Variants in GMDS observed in about 807,000 individuals in gnomAD.
GMDS encodes GDP-mannose 4,6-dehydratase.
Under a neutral mutation model 49.9 loss-of-function variants are expected in GMDS, and 20 were observed. That is an observed-to-expected ratio of 0.40 (90% confidence interval 0.28 to 0.58). The LOEUF is 0.58. Among genes scored for constraint, GMDS ranks in the 20% least tolerant of loss-of-function variants. The probability of loss-of-function intolerance (pLI) is 0.42; values close to 1 mark genes in which losing one functional copy is unlikely to be tolerated. For missense variants in GMDS, 362 were observed against 481.4 expected (o/e 0.75, Z 2.32); for synonymous variants, 177 against 178.6 (o/e 0.99, Z 0.07).
At chr6:2,245,096 T>C (rs1781800976) in intron 1 of GMDS, among the ~76,000 whole-genome samples, 1 of 152,188 alleles carries the variant, frequency 6.6e-6, no homozygotes, top group Non-Finnish European at 1.5e-5. Flanking sequence ...GCACACACGC[T>C]CACAGCCCCC....
chr6:1,952,132 G>T, intron 6 of GMDS: 1 of 277,200 alleles, frequency 3.6e-6, no homozygotes, highest in Non-Finnish European at 5.5e-6. Context: ...CCTCATTGCT[G>T]AAAAAAGGGA....
At chr6:1,861,967 AG>A (rs1229639473) in intron 7 of GMDS, among the ~76,000 whole-genome samples, 48 of 152,386 alleles carry the variant, frequency 3.1e-4, no homozygotes, top group African/African-American at 1.2e-3. Flanking sequence ...GAATATATTT[AG>A]GAAAAGAGAA....
chr6:1,678,931 G>T (rs1764702947), intron 9 of GMDS, among the ~76,000 whole-genome samples: 1 of 152,140 alleles, frequency 6.6e-6, no homozygotes, highest in Non-Finnish European at 1.5e-5. Flanking sequence ...ACAAGTACCT[G>T]CCATAGCACA....
At chr6:2,175,414 C>G (rs1415175940) in intron 1 of GMDS, among the ~76,000 whole-genome samples, 1 of 152,126 alleles carries the variant, frequency 6.6e-6, no homozygotes, top group Non-Finnish European at 1.5e-5. Flanking sequence ...TATGCCACCT[C>G]GGACTTGAGG....
intron 4 of GMDS, among the ~76,000 whole-genome samples, chr6:1,985,664 A>G (rs894909664): frequency 7.2e-5 from 11 of 152,186 alleles, no homozygotes; most frequent in African/African-American, 2.4e-4. Flanking sequence ...AACAAAACTA[A>G]AAATATAGAA....
chr6:1,636,626 C>T (rs1763157215), intron 9 of GMDS, among the ~76,000 whole-genome samples: 1 of 152,202 alleles, frequency 6.6e-6, no homozygotes, highest in African/African-American at 2.4e-5. Flanking sequence ...GAACGGGCTC[C>T]CATGGAGGGA....
intron 4 of GMDS, among the ~76,000 whole-genome samples, chr6:1,966,149 C>T (rs1029322874): frequency 6.6e-6 from 1 of 152,102 alleles, no homozygotes; most frequent in African/African-American, 2.4e-5. Context: ...AGCTTCCAAA[C>T]CCCCAAAACT....
intron 4 of GMDS, among the ~76,000 whole-genome samples, chr6:1,981,404 C>A (rs1044576739): frequency 7.2e-5 from 11 of 152,174 alleles, no homozygotes; most frequent in African/African-American, 2.4e-4. Context: ...ATACTACAAA[C>A]ACCTATAAGC....
chr6:1,778,052 G>T lies in GMDS; in HGVS notation c.772-35466C>A, dbSNP rs1030770317. Among the ~76,000 whole-genome samples, 5 of 152,114 alleles carry T rather than the reference G, an allele frequency of 3.3e-5. No individual in the cohort carries two copies. The South Asian group carries it at 1.0e-3, about 32-fold the overall frequency. On this transcript the variant is annotated intron_variant, in intron 7 of 10. Transcript: ENST00000380815. This position sits in a 1 kb window ranked among gnomAD's most constrained non-coding sequence, Gnocchi z 4.6. ...ACAAAGAAGCATTTGTAAGCTCAGG[G>T]GTGCACGCATTAAAAAAAGAAGCTG...
chr6:1,739,962 T>G (rs1035322786), intron 8 of GMDS, among the ~76,000 whole-genome samples: 2 of 152,230 alleles, frequency 1.3e-5, no homozygotes, highest in African/African-American at 4.8e-5. Context: ...GCATAGATAC[T>G]TCACACATTT....
At chr6:1,998,999 T>C (rs971971498) in intron 4 of GMDS, among the ~76,000 whole-genome samples, 3 of 151,800 alleles carry the variant, frequency 2.0e-5, no homozygotes, top group African/African-American at 4.8e-5. Flanking sequence ...ATAAAGATAA[T>C]AATTCTAATT....
At chr6:1,838,321 T>C (rs974405810) in intron 7 of GMDS, among the ~76,000 whole-genome samples, 2 of 152,214 alleles carry the variant, frequency 1.3e-5, no homozygotes, top group African/African-American at 4.8e-5. Flanking sequence ...AATTTAAAAG[T>C]CTAATTAAGG....
At chr6:2,175,946 G>A in intron 1 of GMDS, 2 of 1,499,480 alleles carry the variant, frequency 1.3e-6, no homozygotes, top group African/African-American at 1.4e-5. Context: ...TTACACATGA[G>A]GAACCAGAGG....
chr6:1,739,577 G>A (rs1767180135), intron 8 of GMDS, among the ~76,000 whole-genome samples: 2 of 152,276 alleles, frequency 1.3e-5, no homozygotes, highest in Admixed American at 1.3e-4. Flanking sequence ...CCAGTCCCAC[G>A]CTGGCCACAG....
chr6:1,967,044 T>C (rs1399964697), intron 4 of GMDS, among the ~76,000 whole-genome samples: 1 of 152,136 alleles, frequency 6.6e-6, no homozygotes, highest in Non-Finnish European at 1.5e-5. Flanking sequence ...CCGGCCACCC[T>C]GCTGTCCTAG....
At chr6:2,140,237 G>A (rs924716193) in intron 1 of GMDS, among the ~76,000 whole-genome samples, 17 of 152,102 alleles carry the variant, frequency 1.1e-4, no homozygotes, top group Non-Finnish European at 2.5e-4. Flanking sequence ...ACAGGCAGTG[G>A]GAGATTTCAC....
chr6:1,955,310 A>G (rs1763570196), intron 6 of GMDS, among the ~76,000 whole-genome samples: 1 of 152,220 alleles, frequency 6.6e-6, no homozygotes, highest in South Asian at 2.1e-4. Context: ...AAAATTTGTT[A>G]TGCAGGTTAT....
chr6:1,912,987 C>T (rs1488975554), intron 7 of GMDS, among the ~76,000 whole-genome samples: 1 of 152,206 alleles, frequency 6.6e-6, no homozygotes, highest in Non-Finnish European at 1.5e-5. Context: ...CTGAATGCCA[C>T]ACCCTTTAGT....
chr6:2,236,210 T>C (rs922996760), intron 1 of GMDS, among the ~76,000 whole-genome samples: 1 of 152,198 alleles, frequency 6.6e-6, no homozygotes, highest in Non-Finnish European at 1.5e-5. Flanking sequence ...AACATCCACC[T>C]AGACCCACCC....
Sources: gnomAD v4.1 joint callset for allele counts (sites outside exome capture counted in the v4.1 genomes callset) on GRCh38, gnomAD v4.1.1 for gene constraint, Gnocchi (gnomAD v3.1) non-coding constraint, MANE v1.5 for transcripts, NCBI Gene and HGNC (gene_info 2026-07-23, HGNC 2026-07-21) for gene names.